The following MTUS2 variants were observed in gnomAD, a reference collection of about 807,000 sequenced individuals.
The protein encoded by MTUS2 is microtubule-associated tumor suppressor candidate 2.
Under a neutral mutation model 114.1 loss-of-function variants are expected in MTUS2, and 40 were observed. That is an observed-to-expected ratio of 0.35 (90% CI 0.27 to 0.46). The LOEUF (loss-of-function observed/expected upper bound fraction) is 0.46. Ranked by LOEUF, MTUS2 falls within the 20% of genes least tolerant of loss-of-function variation. The pLI is 1.00. For synonymous variants in MTUS2, 688 were observed against 672.0 expected (o/e 1.02, Z -0.37); for missense variants, 1,679 against 1,705.4 (o/e 0.98, Z 0.27).
At chr13:29,343,031 C>G (rs1461627662) in intron 7 of MTUS2, among the ~76,000 whole-genome samples, 1 of 151,956 alleles carries the variant, frequency 6.6e-6, no homozygotes, top group African/African-American at 2.4e-5. Context: ...GGTGGATTAC[C>G]TTTTTTATAT....
Position 28,950,807 on chromosome 13 carries a change from G to T in MTUS2, c.-242-73650G>T, listed in dbSNP as rs538709337. On this transcript the variant is annotated intron_variant, in intron 2 of 15. Transcript: ENST00000612955. ...TAATAATGAAAAAGTTTGAAATATTGTGAGAATTATCAAAATGTGACATGG... is the reference window on the plus strand; with the variant it reads ...TAATAATGAAAAAGTTTGAAATATTTTGAGAATTATCAAAATGTGACATGG... 1.9e-3 allele frequency among the ~76,000 whole-genome samples: 289 copies of T among 152,258 alleles called. 1 individual carries two copies. Among genetic ancestry groups the T allele is most frequent in the African/African-American group, 6.7e-3 (279 of 41,558 alleles).
At chr13:28,960,926 T>C (rs1035827858) in intron 2 of MTUS2, among the ~76,000 whole-genome samples, 7 of 150,102 alleles carry the variant, frequency 4.7e-5, no homozygotes, top group South Asian at 2.1e-4. Flanking sequence ...AAAACGAAAG[T>C]CTCCACAAAG....
intron 8 of MTUS2, among the ~76,000 whole-genome samples, chr13:29,398,204 T>C (rs2138476302): frequency 6.6e-6 from 1 of 152,338 alleles, no homozygotes; most frequent in South Asian, 2.1e-4. Context: ...CTCATGCCTA[T>C]AATCCCAGCA....
At chr13:28,952,275 A>C (rs1882847895) in intron 2 of MTUS2, among the ~76,000 whole-genome samples, 1 of 152,228 alleles carries the variant, frequency 6.6e-6, no homozygotes, top group Non-Finnish European at 1.5e-5. Context: ...TAACAACCTC[A>C]CACATAACTT....
chr13:29,447,752 G>A (rs2138719656), intron 9 of MTUS2, among the ~76,000 whole-genome samples: 1 of 151,846 alleles, frequency 6.6e-6, no homozygotes, highest in Non-Finnish European at 1.5e-5. Flanking sequence ...GTGGTTGTGG[G>A]GATTAAAGGG....
At chr13:29,133,306 G>T (rs1186078806) in intron 5 of MTUS2, among the ~76,000 whole-genome samples, 1 of 152,046 alleles carries the variant, frequency 6.6e-6, no homozygotes, top group African/African-American at 2.4e-5. Flanking sequence ...CTCTCATTCT[G>T]TGGGTTGCCT....
chr13:29,129,952 C>T (rs918219201), intron 5 of MTUS2, among the ~76,000 whole-genome samples: 13 of 152,222 alleles, frequency 8.5e-5, no homozygotes, highest in South Asian at 2.1e-4. Context: ...AGACCTTTCT[C>T]GGTACTGGGG....
At chr13:29,191,725 T>A (rs919918891) in intron 5 of MTUS2, among the ~76,000 whole-genome samples, 1 of 152,162 alleles carries the variant, frequency 6.6e-6, no homozygotes, top group East Asian at 1.9e-4. Flanking sequence ...TGACAGCCTT[T>A]GTAATCAGCC....
intron 2 of MTUS2, among the ~76,000 whole-genome samples, chr13:28,857,321 G>A (rs1876695914): frequency 6.6e-6 from 1 of 152,144 alleles, no homozygotes; most frequent in Non-Finnish European, 1.5e-5. Context: ...AATCTGAAAG[G>A]CTAAAGTCAT....
At chr13:29,041,090 G>T (rs1272616581) in intron 4 of MTUS2, among the ~76,000 whole-genome samples, 3 of 152,116 alleles carry the variant, frequency 2.0e-5, no homozygotes, top group Non-Finnish European at 4.4e-5. Context: ...GTGGTTTCAG[G>T]TCTTAGATTT....
chr13:29,406,673 A>G (rs535721718), intron 8 of MTUS2, among the ~76,000 whole-genome samples: 2 of 152,372 alleles, frequency 1.3e-5, no homozygotes, highest in Admixed American at 6.5e-5. Context: ...GTGTAATATC[A>G]GAAGATGGGA....
At chr13:28,922,621 A>G (rs1261743345) in intron 2 of MTUS2, among the ~76,000 whole-genome samples, 1 of 152,114 alleles carries the variant, frequency 6.6e-6, no homozygotes, top group Non-Finnish European at 1.5e-5. Context: ...CATTGAGTTC[A>G]GTTTAATGTC....
chr13:29,474,420 T>G (rs1048690199), intron 9 of MTUS2, among the ~76,000 whole-genome samples: 3 of 152,208 alleles, frequency 2.0e-5, no homozygotes, highest in Admixed American at 6.5e-5. Flanking sequence ...AAAATCTTTT[T>G]ACTTCTAAGT....
At chr13:29,044,560 A>G (rs569556940) in intron 4 of MTUS2, among the ~76,000 whole-genome samples, 3 of 152,272 alleles carry the variant, frequency 2.0e-5, no homozygotes, top group African/African-American at 7.2e-5. Flanking sequence ...CCAATTACAC[A>G]TATATTAGGC....
intron 2 of MTUS2, among the ~76,000 whole-genome samples, chr13:28,878,762 T>C (rs1462836107): frequency 1.3e-5 from 2 of 152,208 alleles, no homozygotes; most frequent in Non-Finnish European, 2.9e-5. Context: ...TCCAGGTCTT[T>C]GCTATTGTGA....
chr13:29,473,774 ATATT>A (rs1335673208), intron 9 of MTUS2, among the ~76,000 whole-genome samples: 1 of 152,170 alleles, frequency 6.6e-6, no homozygotes, highest in South Asian at 2.1e-4. Flanking sequence ...GATTATTTGA[ATATT>A]TATTTTCTCA....
intron 5 of MTUS2, among the ~76,000 whole-genome samples, chr13:29,157,809 C>T (rs1200972476): frequency 2.0e-5 from 3 of 148,642 alleles, no homozygotes; most frequent in Non-Finnish European, 4.5e-5. Context: ...GATATAGATA[C>T]AGATATAGAT....
intron 5 of MTUS2, among the ~76,000 whole-genome samples, chr13:29,154,666 C>G (rs1892787666): frequency 6.6e-6 from 1 of 152,196 alleles, no homozygotes; most frequent in African/African-American, 2.4e-5. Flanking sequence ...CTCAAATTAC[C>G]TGTCATCATA....
chr13:29,193,403 A>G (rs1894529566), intron 5 of MTUS2, among the ~76,000 whole-genome samples: 1 of 152,148 alleles, frequency 6.6e-6, no homozygotes, highest in African/African-American at 2.4e-5. Context: ...GCAAAGTCTC[A>G]GGATACAAAA....
Sources: allele counts gnomAD v4.1 joint callset (sites outside exome capture counted in the v4.1 genomes callset), GRCh38; gene constraint gnomAD v4.1.1; transcripts MANE v1.5; gene names NCBI Gene and HGNC (gene_info 2026-07-23, HGNC 2026-07-21).